FHOD3: variants seen among roughly 807,000 people sequenced by gnomAD.
FHOD3 encodes formin homology 2 domain containing 3, also known as FH1/FH2 domain-containing protein 3.
A neutral mutation model predicts 173.0 loss-of-function variants in FHOD3; 90 were observed. That is an observed-to-expected ratio of 0.52 (90% CI 0.44 to 0.62). The LOEUF is 0.62. Ranked by LOEUF, FHOD3 falls within the 20% of genes least tolerant of loss-of-function variation. The pLI, the probability that FHOD3 is intolerant of heterozygous loss-of-function variation, is 0.00. For missense variants in FHOD3, 1,945 were observed against 2,034.7 expected, an observed-to-expected ratio of 0.96 and a Z score of 0.85; for synonymous variants, 828 against 823.0, an observed-to-expected ratio of 1.01 and a Z score of -0.10.
chr18:36,356,540 C>G (rs966938799), intron 2 of FHOD3, among the ~76,000 whole-genome samples: 1 of 152,130 alleles, frequency 6.6e-6, no homozygotes, highest in Non-Finnish European at 1.5e-5. Context: ...TCCAGTTGCC[C>G]AGGCTGGAGT....
intron 5 of FHOD3, among the ~76,000 whole-genome samples, chr18:36,563,183 A>G (rs993741723): frequency 2.0e-4 from 31 of 152,208 alleles, no homozygotes; most frequent in African/African-American, 6.8e-4. Flanking sequence ...CAGAATTAAT[A>G]TACTAGCATG....
intron 5 of FHOD3, among the ~76,000 whole-genome samples, chr18:36,549,606 C>T (rs564128564): frequency 1.2e-4 from 15 of 125,708 alleles, no homozygotes; most frequent in South Asian, 5.1e-4. Context: ...GGTGTGATCT[C>T]GGCTCACTGC....
intron 14 of FHOD3, among the ~76,000 whole-genome samples, chr18:36,661,345 A>G (rs2036785466): frequency 6.6e-6 from 1 of 152,090 alleles, no homozygotes; most frequent in Non-Finnish European, 1.5e-5. Context: ...ATTTTTACTG[A>G]GGTATATATA....
chr18:36,525,328 A>T (rs375384405), intron 5 of FHOD3, among the ~76,000 whole-genome samples: 47 of 152,284 alleles, frequency 3.1e-4, no homozygotes, highest in East Asian at 2.1e-3. Flanking sequence ...AGTTGCCATG[A>T]GTTCTACAGC....
chr18:36,348,456 G>T (rs2045967494), intron 1 of FHOD3, among the ~76,000 whole-genome samples: 1 of 152,188 alleles, frequency 6.6e-6, no homozygotes, highest in African/African-American at 2.4e-5. Context: ...AGCTTTGTGG[G>T]CGTGTGACTG....
At chr18:36,369,016 AAAGT>A (rs1463662396) in intron 2 of FHOD3, among the ~76,000 whole-genome samples, 12 of 152,160 alleles carry the variant, frequency 7.9e-5, no homozygotes, top group Non-Finnish European at 1.2e-4. Context: ...AAATCTGTAA[AAAGT>A]ACTTAGAACC....
At chr18:36,683,804 G>A (rs2038415760) in intron 15 of FHOD3, among the ~76,000 whole-genome samples, 1 of 152,164 alleles carries the variant, frequency 6.6e-6, no homozygotes. Flanking sequence ...GGGAGAGAGG[G>A]GAACTCTTCC....
At chr18:36,348,777 T>C (rs937539643) in intron 1 of FHOD3, among the ~76,000 whole-genome samples, 3 of 152,090 alleles carry the variant, frequency 2.0e-5, no homozygotes, top group Non-Finnish European at 4.4e-5. Context: ...AAGCAGGACT[T>C]TGGGCTCAGG....
chr18:36,472,700 A>G (rs1331231006), intron 3 of FHOD3, among the ~76,000 whole-genome samples: 1 of 152,124 alleles, frequency 6.6e-6, no homozygotes, highest in Non-Finnish European at 1.5e-5. Flanking sequence ...TCCACTTAAC[A>G]TAGTGTTTTT....
intron 5 of FHOD3, among the ~76,000 whole-genome samples, chr18:36,528,695 A>C (rs1312630372): frequency 6.6e-5 from 10 of 152,224 alleles, no homozygotes; most frequent in African/African-American, 1.9e-4. Flanking sequence ...CGCCACACGC[A>C]CAGCAAAATG....
intron 3 of FHOD3, among the ~76,000 whole-genome samples, chr18:36,418,342 G>A (rs868732173): frequency 1.3e-5 from 2 of 152,326 alleles, no homozygotes; most frequent in South Asian, 4.1e-4. Flanking sequence ...TTTAGGGGTG[G>A]AAAGTTTGAA....
chr18:36,731,371 G>A (rs554946947), intron 20 of FHOD3, among the ~76,000 whole-genome samples: 9 of 152,292 alleles, frequency 5.9e-5, no homozygotes, highest in African/African-American at 2.2e-4. Context: ...CAGGGCCTGG[G>A]TTCATGTTCT....
chr18:36,571,714 T>C (rs2058458652), intron 5 of FHOD3, among the ~76,000 whole-genome samples: 1 of 152,208 alleles, frequency 6.6e-6, no homozygotes, highest in Non-Finnish European at 1.5e-5. Context: ...CACAACCAGT[T>C]GATTTTTGGC....
rs555206562 is a variant in FHOD3 at position 36,702,159 on chromosome 18, G to A, written c.2237-6936G>A. On this transcript the variant is annotated intron_variant, in intron 17 of 28. Coordinates refer to ENST00000590592, the MANE Select transcript of FHOD3 (RefSeq NM_001281740.3). The stretch of plus-strand genomic sequence containing the variant: ...CAGGGGTGAGTTTGCTCTCCTGGGG[G>A]ACATTTGGCAGTGTCTGGAGACATT... 3.3e-4 allele frequency among the ~76,000 whole-genome samples: 50 copies of A among 152,316 alleles called. No individual in the cohort carries two copies. The East Asian group carries it at 8.9e-3, about 27-fold the overall frequency.
intron 1 of FHOD3, among the ~76,000 whole-genome samples, chr18:36,337,058 A>G (rs950614183): frequency 4.7e-5 from 7 of 149,514 alleles, no homozygotes; most frequent in Non-Finnish European, 1.0e-4. Flanking sequence ...CTGTAGTCCT[A>G]GTTACTCGGG....
intron 1 of FHOD3, among the ~76,000 whole-genome samples, chr18:36,347,624 C>G (rs1218838016): frequency 6.6e-6 from 1 of 152,182 alleles, no homozygotes; most frequent in East Asian, 1.9e-4. Context: ...TATGCTGGAT[C>G]ATCAAAGATA....
At chr18:36,545,855 A>G (rs1291855069) in intron 5 of FHOD3, among the ~76,000 whole-genome samples, 1 of 152,246 alleles carries the variant, frequency 6.6e-6, no homozygotes, top group Non-Finnish European at 1.5e-5. Flanking sequence ...TTTAAAGAAA[A>G]TCTACTTTGA....
chr18:36,500,785 G>C (rs2146016463), intron 3 of FHOD3, among the ~76,000 whole-genome samples: 1 of 152,292 alleles, frequency 6.6e-6, no homozygotes, highest in Admixed American at 6.5e-5. Flanking sequence ...GTATCCTAGT[G>C]CCTCGAACTG....
At chr18:36,406,446 G>A (rs1260030512) in intron 3 of FHOD3, among the ~76,000 whole-genome samples, 6 of 152,192 alleles carry the variant, frequency 3.9e-5, no homozygotes, top group African/African-American at 1.4e-4. Flanking sequence ...CGGGAATGAG[G>A]ATGGCGCATT....
Sources: gnomAD v4.1 joint callset for allele counts (sites outside exome capture counted in the v4.1 genomes callset) on GRCh38, gnomAD v4.1.1 for gene constraint, MANE v1.5 for transcripts, NCBI Gene and HGNC (gene_info 2026-07-23, HGNC 2026-07-21) for gene names.